The following PRIMPOL variants were observed in gnomAD, a reference collection of about 807,000 sequenced individuals.
PRIMPOL encodes DNA-directed primase/polymerase protein.
A neutral mutation model predicts 63.6 loss-of-function variants in PRIMPOL; 54 were observed. The observed-to-expected ratio is 0.85, with a 90% confidence interval of 0.68 to 1.07. The LOEUF is 1.07. Among genes scored for constraint, PRIMPOL ranks in the 50% least tolerant of loss-of-function variants. PRIMPOL has a pLI of 0.00. For synonymous variants in PRIMPOL, 197 were observed against 220.2 expected, an observed-to-expected ratio of 0.89 and a Z score of 0.93; for missense variants, 610 against 648.3, an observed-to-expected ratio of 0.94 and a Z score of 0.64.
At chr4:184,673,033 C>G (rs867630252) in intron 7 of PRIMPOL, among the ~76,000 whole-genome samples, 33 of 152,232 alleles carry the variant, frequency 2.2e-4, no homozygotes, top group Middle Eastern at 6.8e-3. Flanking sequence ...CCAATCGAGA[C>G]CCTAACACAA....
chr4:184,687,980 G>A (rs1207630951), intron 11 of PRIMPOL, among the ~76,000 whole-genome samples: 5 of 152,204 alleles, frequency 3.3e-5, no homozygotes, highest in Non-Finnish European at 7.3e-5. Context: ...CCTTGCGGTA[G>A]CATATCTGTG....
intron 13 of PRIMPOL, 58 bp downstream of exon 13, chr4:184,691,770 A>G (rs1178326158): frequency 2.0e-5 from 27 of 1,339,626 alleles, no homozygotes; most frequent in Non-Finnish European, 7.5e-6. Context: ...ACAATAGTAT[A>G]CCTGAGCCAT....
intron 2 of PRIMPOL, among the ~76,000 whole-genome samples, chr4:184,655,392 C>T (rs971047623): frequency 1.4e-5 from 2 of 147,682 alleles, no homozygotes; most frequent in South Asian, 2.2e-4. Context: ...GGTGCGATCT[C>T]GGCTCACTGG....
intron 13 of PRIMPOL, among the ~76,000 whole-genome samples, chr4:184,693,738 C>T (rs994181278): frequency 1.1e-4 from 17 of 150,886 alleles, no homozygotes; most frequent in African/African-American, 4.2e-4. Flanking sequence ...TTTTCTCCCT[C>T]TACTGTATAC....
chr4:184,657,355 C>T (rs1303070879), intron 3 of PRIMPOL, 35 bp downstream of exon 3: 4 of 1,437,768 alleles, frequency 2.8e-6, no homozygotes, highest in Non-Finnish European at 3.8e-6. Flanking sequence ...TCTTCCTCCT[C>T]TTCCACTTCC....
intron 6 of PRIMPOL, 23 bp from the exon 7 acceptor site, chr4:184,672,150 A>G (rs1229106373): frequency 6.3e-7 from 1 of 1,590,736 alleles, no homozygotes; most frequent in African/African-American, 1.4e-5. Context: ...ATCCAGGTGA[A>G]TGATAATAGC....
At position 184,657,244 on chromosome 4, in the gene PRIMPOL, CAGA is replaced by C; in HGVS notation, c.109_111del (p.Glu37del). 1 of 1,613,892 alleles carries C rather than the reference CAGA, an allele frequency of 6.2e-7. No individual in the cohort carries two copies. The highest frequency in any genetic ancestry group is 1.3e-5 in the African/African-American group (1 of 75,038). ...GTGTATAGACCAAGATTGTCCAAGC[CAGA>C]AGAACCACCCTCCATCTGGAGACTA... On this transcript the variant is annotated inframe_deletion, in exon 3 of 14. Coordinates refer to ENST00000314970, the MANE Select transcript of PRIMPOL (RefSeq NM_152683.4).
chr4:184,693,679 G>T (rs1195946824), intron 13 of PRIMPOL, among the ~76,000 whole-genome samples: 2 of 152,196 alleles, frequency 1.3e-5, no homozygotes, highest in African/African-American at 4.8e-5. Flanking sequence ...GAACTCTGCT[G>T]TCTGTCCTCT....
intron 13 of PRIMPOL, chr4:184,694,258 C>T (rs1394324419): frequency 1.3e-5 from 15 of 1,170,236 alleles, no homozygotes; most frequent in South Asian, 1.1e-4. Context: ...GCTCTTCCGT[C>T]GGGGAGTATT....
At chr4:184,661,710 G>GTCAA (rs761150685) in intron 4 of PRIMPOL, 64 bp from the exon 5 acceptor site, 69 of 1,148,212 alleles carry the variant, frequency 6.0e-5, no homozygotes, top group Non-Finnish European at 8.1e-5. Flanking sequence ...GTCTCAGTCA[G>GTCAA]TCAATCAATC....
At chr4:184,660,103 G>T (rs10030828) in intron 4 of PRIMPOL, among the ~76,000 whole-genome samples, 6,491 of 151,646 alleles carry the variant, frequency 0.043, 455 homozygotes, top group African/African-American at 0.15. Context: ...TTACAGGTGT[G>T]AGCCACTGTA....
chr4:184,692,556 C>T (rs2150178476), intron 13 of PRIMPOL, among the ~76,000 whole-genome samples: 1 of 150,918 alleles, frequency 6.6e-6, no homozygotes, highest in South Asian at 2.1e-4. Context: ...CTTCCTTACT[C>T]ATTTGACCAG....
intron 5 of PRIMPOL, among the ~76,000 whole-genome samples, chr4:184,663,883 C>A (rs1749077664): frequency 6.6e-6 from 1 of 152,042 alleles, no homozygotes; most frequent in Non-Finnish European, 1.5e-5. Flanking sequence ...TCCTTTGAGT[C>A]TTACTGTGAG....
chr4:184,657,963 A>G (rs967700856), intron 3 of PRIMPOL, among the ~76,000 whole-genome samples: 6 of 151,926 alleles, frequency 3.9e-5, no homozygotes, highest in African/African-American at 1.2e-4. Flanking sequence ...ATTGCACTCC[A>G]GCCTGGGCAA....
rs1458827339 is a variant in PRIMPOL, at chr4:184,685,476, G to A, written c.1164G>A (p.Val388=). The A allele has an allele frequency of 9.3e-6, 15 of 1,611,750 alleles. No individual in the cohort carries two copies. Among genetic ancestry groups the A allele is most frequent in the South Asian group, 5.5e-5 (5 of 91,022 alleles). The change falls in exon 10 of 14, where the codon GTG becomes GTA. Residue 388 remains valine, a synonymous_variant. Transcript: ENST00000314970. ...PEVDHFVLSL[V]NKDGIKGGIR... The stretch of plus-strand genomic sequence containing the variant: ...TTGATCATTTTGTTCTTTCTTTGGT[G>A]AATAAAGATGGCATTAAAGGAGGTA...
At chr4:184,658,519 A>T (rs1747250361) in intron 3 of PRIMPOL, among the ~76,000 whole-genome samples, 2 of 152,130 alleles carry the variant, frequency 1.3e-5, no homozygotes, top group African/African-American at 4.8e-5. Context: ...GAAACAAAAG[A>T]ACTTGTGGAT....
chr4:184,653,539 A>G (rs1424489298), intron 2 of PRIMPOL, among the ~76,000 whole-genome samples: 1 of 152,080 alleles, frequency 6.6e-6, no homozygotes, highest in Non-Finnish European at 1.5e-5. Context: ...TTTAGTAGAG[A>G]TGGGGTTTCA....
intron 2 of PRIMPOL, among the ~76,000 whole-genome samples, chr4:184,654,930 C>T (rs748052307): frequency 1.3e-5 from 2 of 151,910 alleles, no homozygotes; most frequent in East Asian, 1.9e-4. Flanking sequence ...AGGTCTGTTA[C>T]GATTGATGTC....
At chr4:184,670,364 G>T (rs1405941) in intron 6 of PRIMPOL, among the ~76,000 whole-genome samples, 19,860 of 152,048 alleles carry the variant, frequency 0.13, 1,394 homozygotes, top group Middle Eastern at 0.17. Context: ...AGGTTTATAT[G>T]GCTTTGTTGT....
Sources: allele counts gnomAD v4.1 joint callset (sites outside exome capture counted in the v4.1 genomes callset), GRCh38; gene constraint gnomAD v4.1.1; transcripts MANE v1.5; gene names NCBI Gene and HGNC (gene_info 2026-07-23, HGNC 2026-07-21).